Variants in LRRTM4 observed in about 807,000 individuals in gnomAD.
LRRTM4 encodes leucine rich repeat transmembrane neuronal 4.
In LRRTM4, 25 loss-of-function variants were observed where a neutral mutation model predicts 47.6. The observed-to-expected ratio is 0.53, with a 90% CI of 0.38 to 0.73. The LOEUF (loss-of-function observed/expected upper bound fraction) is 0.73, where lower values mean the gene tolerates loss of function less well. Among genes scored for constraint, LRRTM4 ranks in the 30% least tolerant of loss-of-function variants. The pLI, the probability that LRRTM4 is intolerant of heterozygous loss-of-function variation, is 0.00. For missense variants in LRRTM4, 638 were observed against 713.4 expected, an observed-to-expected ratio of 0.89 and a Z score of 1.20; for synonymous variants, 311 against 269.5, an observed-to-expected ratio of 1.15 and a Z score of -1.51.
At chr2:77,306,944 G>A (rs1417123273) in intron 3 of LRRTM4, among the ~76,000 whole-genome samples, 1 of 124,326 alleles carries the variant, frequency 8.0e-6, no homozygotes, top group Non-Finnish European at 1.5e-5. Flanking sequence ...CTGTCGCCCA[G>A]GCTGGAGTGC....
intron 3 of LRRTM4, among the ~76,000 whole-genome samples, chr2:76,957,219 A>G (rs1435518631): frequency 6.6e-6 from 1 of 151,716 alleles, no homozygotes; most frequent in Non-Finnish European, 1.5e-5. Context: ...TCAAACTCTT[A>G]GAACCAGATG....
chr2:76,934,383 C>T (rs1038939040), intron 3 of LRRTM4, among the ~76,000 whole-genome samples: 1 of 151,984 alleles, frequency 6.6e-6, no homozygotes. Context: ...TAGATCCAGT[C>T]GTATATATGA....
At chr2:76,837,542 C>T (rs1210449677) in intron 3 of LRRTM4, among the ~76,000 whole-genome samples, 1 of 152,106 alleles carries the variant, frequency 6.6e-6, no homozygotes, top group Non-Finnish European at 1.5e-5. Flanking sequence ...CCTCTATACA[C>T]TGCTTTGAAT....
chr2:77,326,999 C>T (rs1474854686), intron 3 of LRRTM4, among the ~76,000 whole-genome samples: 7 of 152,096 alleles, frequency 4.6e-5, no homozygotes, highest in Non-Finnish European at 1.0e-4. Context: ...GTTTCTGCTG[C>T]AGGAAAGGTT....
At chr2:77,092,912 A>G (rs894332109) in intron 3 of LRRTM4, among the ~76,000 whole-genome samples, 5 of 146,988 alleles carry the variant, frequency 3.4e-5, no homozygotes, top group Non-Finnish European at 7.4e-5. Context: ...TTAAAAACAC[A>G]CCTCACCAAG....
intron 3 of LRRTM4, among the ~76,000 whole-genome samples, chr2:77,440,997 C>A (rs1469218916): frequency 1.3e-5 from 2 of 152,190 alleles, no homozygotes; most frequent in East Asian, 3.8e-4. Flanking sequence ...ATTATTTATT[C>A]TTACAAAAAT....
chr2:76,854,454 G>A (rs181360058), intron 3 of LRRTM4, among the ~76,000 whole-genome samples: 100 of 152,182 alleles, frequency 6.6e-4, no homozygotes, highest in African/African-American at 2.4e-3. Flanking sequence ...AAAATACAAA[G>A]CTATGAGGAT....
intron 3 of LRRTM4, among the ~76,000 whole-genome samples, chr2:76,935,492 G>A (rs1674914673): frequency 6.6e-6 from 1 of 152,168 alleles, no homozygotes. Context: ...AGCATGGAAA[G>A]TTTTTCCATT....
chr2:76,892,737 G>A (rs571797840), intron 3 of LRRTM4, among the ~76,000 whole-genome samples: 1 of 151,616 alleles, frequency 6.6e-6, no homozygotes, highest in East Asian at 1.9e-4. Flanking sequence ...AATTCAGAAA[G>A]TCACTGCAAT....
chr2:77,249,461 T>A (rs941545165), intron 3 of LRRTM4, among the ~76,000 whole-genome samples: 2 of 150,252 alleles, frequency 1.3e-5, no homozygotes, highest in Non-Finnish European at 3.0e-5. Context: ...AAAAGACATA[T>A]CTGACAATGC....
At chr2:77,235,341 G>A (rs6744523) in intron 3 of LRRTM4, among the ~76,000 whole-genome samples, 4,163 of 152,114 alleles carry the variant, frequency 0.027, 216 homozygotes, top group African/African-American at 0.094. Flanking sequence ...CTTCTGAGAA[G>A]TATCTGTTCA....
chr2:77,491,065 T>TAGA (rs1678134830), intron 3 of LRRTM4, among the ~76,000 whole-genome samples: 1 of 148,900 alleles, frequency 6.7e-6, no homozygotes, highest in South Asian at 2.1e-4. Flanking sequence ...GATGACAAAA[T>TAGA]AGAAGAGAAG....
chr2:76,844,948 C>T (rs1171779751), intron 3 of LRRTM4, among the ~76,000 whole-genome samples: 1 of 152,092 alleles, frequency 6.6e-6, no homozygotes, highest in Non-Finnish European at 1.5e-5. Flanking sequence ...GAAAAGCCTA[C>T]TCATAGGGCC....
chr2:76,788,680 T>A (rs1674807599), intron 3 of LRRTM4, among the ~76,000 whole-genome samples: 1 of 152,206 alleles, frequency 6.6e-6, no homozygotes, highest in East Asian at 1.9e-4. Context: ...AGCACAATCT[T>A]GTAGGACTGT....
intron 3 of LRRTM4, among the ~76,000 whole-genome samples, chr2:77,375,092 C>CT (rs571323788): frequency 1.1e-4 from 17 of 151,290 alleles, no homozygotes; most frequent in Middle Eastern, 3.4e-3. Context: ...TCTTTCTTGC[C>CT]TTTTTTTTCT....
Position 77,522,228 on chromosome 2 carries a change from A to C in LRRTM4, c.-267T>G. 1 of 681,056 alleles carries C rather than the reference A, an allele frequency of 1.5e-6. No homozygotes were observed. Among genetic ancestry groups the C allele is most frequent in the Non-Finnish European group, 2.7e-6 (1 of 369,016 alleles). 42.2% of individuals were successfully genotyped at this position (681,056 alleles called of 1,614,324 possible). ...TGTATGAGACCCCAGTTTAAAAGCTATGCAGGCTAGGTTTATCCATTTAGC... is the reference window on the plus strand; with the variant it reads ...TGTATGAGACCCCAGTTTAAAAGCTCTGCAGGCTAGGTTTATCCATTTAGC... On this transcript the variant is annotated 5_prime_UTR_variant, in exon 1 of 4. Transcript: ENST00000409884.
chr2:77,415,582 G>T (rs908233272), intron 3 of LRRTM4, among the ~76,000 whole-genome samples: 24 of 152,060 alleles, frequency 1.6e-4, no homozygotes, highest in Non-Finnish European at 1.5e-4. Flanking sequence ...TGTTCATTTT[G>T]CCTGGAGCAT....
intron 3 of LRRTM4, among the ~76,000 whole-genome samples, chr2:77,289,559 C>T (rs868768927): frequency 2.0e-5 from 3 of 151,908 alleles, no homozygotes; most frequent in Non-Finnish European, 4.4e-5. Flanking sequence ...AATAATAACA[C>T]AGGCAGGATC....
At position 77,469,630 on chromosome 2, in the gene LRRTM4, C is replaced by T. The variant is rs115183789; in HGVS notation, c.1551+48688G>A. On this transcript the variant is annotated intron_variant, in intron 3 of 3. Transcript: ENST00000409884. The stretch of plus-strand genomic sequence containing the variant: ...AATATATAAAAAGATTTTAAGAAAG[C>T]GAGATGATGAATTGTGGCAAACTAA... Among the ~76,000 whole-genome samples the T allele has an allele frequency of 7.2e-3, 1,092 of 151,864 alleles. 10 individuals are homozygous for T. The highest frequency in any genetic ancestry group is 0.021 in the African/African-American group (886 of 41,392).
Sources: gnomAD v4.1 joint callset for allele counts (sites outside exome capture counted in the v4.1 genomes callset) on GRCh38, gnomAD v4.1.1 for gene constraint, MANE v1.5 for transcripts, NCBI Gene and HGNC (gene_info 2026-07-23, HGNC 2026-07-21) for gene names.